Variants in HCK observed in about 807,000 individuals in gnomAD.
HCK encodes tyrosine-protein kinase HCK.
In HCK, 40 loss-of-function variants were observed where a neutral mutation model predicts 70.4. The observed-to-expected ratio is 0.57, with a 90% CI of 0.44 to 0.74. The LOEUF (loss-of-function observed/expected upper bound fraction) is 0.74, where lower values mean the gene tolerates loss of function less well. Ranked by LOEUF, HCK falls within the 30% of genes least tolerant of loss-of-function variation. The probability of loss-of-function intolerance (pLI) is 0.00; values close to 1 mark genes in which losing one functional copy is unlikely to be tolerated. For missense variants in HCK, 568 were observed against 697.2 expected, an observed-to-expected ratio of 0.81 and a Z score of 2.09; for synonymous variants, 245 against 263.2, an observed-to-expected ratio of 0.93 and a Z score of 0.67.
At chr20:32,056,087 G>A (rs767710388) in intron 1 of HCK, among the ~76,000 whole-genome samples, 16 of 152,178 alleles carry the variant, frequency 1.1e-4, no homozygotes, top group Admixed American at 2.6e-4. Context: ...GGAAATTCAG[G>A]TTGTTTCCAC....
rs976335520 is a variant in HCK, at chr20:32,052,462, C to A, written c.38C>A (p.Pro13Gln). ...TCAAGCTGCGAGGATCCGGGCTGCCCGCGAGACGAGGAGCGGGCGCCCAGG... is the reference window on the plus strand; with the variant it reads ...TCAAGCTGCGAGGATCCGGGCTGCCAGCGAGACGAGGAGCGGGCGCCCAGG... Residue 13 changes from proline (P) to glutamine (Q), a missense_variant, in exon 1 of 13, where the codon CCG becomes CAG. Physicochemically the swap from Pro to Gln is moderately conservative, Grantham distance 76. Around this residue, in one of 4 missense-constraint regions of HCK, gnomAD observed 318 missense variants for 336.0 expected, o/e 0.95. Transcript: ENST00000375852. 10 of 1,266,102 alleles carry A rather than the reference C, an allele frequency of 7.9e-6. No individual in the cohort carries two copies. In the African/African-American group the frequency reaches 1.1e-4, roughly 14 times the overall value. 78.4% of individuals were successfully genotyped at this position (1,266,102 alleles called of 1,614,324 possible). A position where few individuals can be genotyped will look rare whatever the true frequency, so the allele number is the denominator to read the frequency against.
intron 10 of HCK, among the ~76,000 whole-genome samples, chr20:32,089,387 G>A (rs1044871735): frequency 2.0e-4 from 30 of 152,358 alleles, no homozygotes; most frequent in African/African-American, 7.0e-4. Context: ...GAGCCCCAGT[G>A]TGGTTAAGTG....
chr20:32,096,567 T>G (rs2045959425), intron 11 of HCK, among the ~76,000 whole-genome samples: 1 of 149,098 alleles, frequency 6.7e-6, no homozygotes, highest in Admixed American at 6.7e-5. Flanking sequence ...AGGGGTGAGA[T>G]CATAGCTCAC....
In HCK at chr20:32,054,242, C is replaced by T; in HGVS notation, c.62+1756C>T. The T allele has an allele frequency of 6.6e-6, 3 of 456,394 alleles. 1 individual carries two copies. The highest frequency in any genetic ancestry group is 3.1e-5 in the South Asian group (2 of 64,556). The allele number at this position is 456,394 out of a possible 1,614,324, so 28.3% of individuals were successfully genotyped here. On this transcript the variant is annotated intron_variant, in intron 1 of 12. Coordinates refer to ENST00000375852, the MANE Select transcript of HCK (RefSeq NM_002110.5). ...GGCAACCGCTGTCATGAGTTACAGT[C>T]CTTCCAGGATGTGCCTCTGAAAATG...
At chr20:32,099,452 G>A (rs2046003820) in intron 12 of HCK, among the ~76,000 whole-genome samples, 1 of 147,508 alleles carries the variant, frequency 6.8e-6, no homozygotes, top group Non-Finnish European at 1.5e-5. Flanking sequence ...CCGCCTCCCA[G>A]GTTCAAGCGA....
At chr20:32,060,327 T>A (rs2045349716) in intron 1 of HCK, among the ~76,000 whole-genome samples, 1 of 152,130 alleles carries the variant, frequency 6.6e-6, no homozygotes, top group South Asian at 2.1e-4. Context: ...TTCAAGCAAT[T>A]CTCCTGCCTT....
In HCK at chr20:32,073,357, G is replaced by T. The variant is rs756780282; in HGVS notation, c.222G>T (p.Arg74Ser). The change falls in exon 3 of 13, where the codon AGG becomes AGT. Residue 74 changes from arginine (R) to serine (S), a missense_variant. Physicochemically the swap from Arg to Ser is moderately radical, Grantham distance 110. Coordinates refer to ENST00000375852, the MANE Select transcript of HCK (RefSeq NM_002110.5). ...ACAACAGCAACACACCAGGAATCAGGGAGGGTAAGTATCTACGAGCAGATG... is the reference window on the plus strand; with the variant it reads ...ACAACAGCAACACACCAGGAATCAGTGAGGGTAAGTATCTACGAGCAGATG... The T allele has an allele frequency of 1.9e-6, 3 of 1,611,898 alleles. No homozygotes were observed. Among genetic ancestry groups the T allele is most frequent in the Middle Eastern group, 1.7e-4 (1 of 6,052 alleles).
At chr20:32,087,114 G>A (rs1034241534) in intron 9 of HCK, among the ~76,000 whole-genome samples, 45 of 152,214 alleles carry the variant, frequency 3.0e-4, no homozygotes, top group Non-Finnish European at 4.6e-4. Flanking sequence ...TTAGAGGCCA[G>A]GGTGTGGCAT....
chr20:32,055,817 T>G (rs986730630), intron 1 of HCK, among the ~76,000 whole-genome samples: 1 of 152,200 alleles, frequency 6.6e-6, no homozygotes, highest in African/African-American at 2.4e-5. Flanking sequence ...TTTGTACCCA[T>G]TAAGCAATTA....
chr20:32,071,944 G>T (rs1266310655), intron 2 of HCK, 162 bp downstream of exon 2: 3 of 837,470 alleles, frequency 3.6e-6, no homozygotes, highest in East Asian at 5.6e-5. Flanking sequence ...GGGACGCAGC[G>T]CCAGCCAGCA....
chr20:32,053,748 C>A (rs954910783), intron 1 of HCK, among the ~76,000 whole-genome samples: 4 of 152,038 alleles, frequency 2.6e-5, no homozygotes, highest in Non-Finnish European at 5.9e-5. Flanking sequence ...CATATGGCCC[C>A]GTGTTCTCAG....
intron 9 of HCK, among the ~76,000 whole-genome samples, chr20:32,087,971 C>T (rs577403051): frequency 2.6e-5 from 4 of 152,226 alleles, no homozygotes; most frequent in African/African-American, 9.6e-5. Context: ...GACAAGGTCT[C>T]GCCATCTTGC....
intron 2 of HCK, 144 bp downstream of exon 2, chr20:32,071,926 G>C: frequency 1.1e-6 from 1 of 946,618 alleles, no homozygotes; most frequent in East Asian, 2.7e-5. Context: ...GTCCTGACTC[G>C]ACTCTCCGGG....
chr20:32,059,523 T>A (rs2045335219), intron 1 of HCK, among the ~76,000 whole-genome samples: 1 of 149,864 alleles, frequency 6.7e-6, no homozygotes, highest in Non-Finnish European at 1.5e-5. Flanking sequence ...TTTTTTTTTC[T>A]TTTTCTTTTT....
intron 1 of HCK, among the ~76,000 whole-genome samples, chr20:32,056,985 CGAA>C (rs2045281992): frequency 6.6e-6 from 1 of 152,172 alleles, no homozygotes; most frequent in African/African-American, 2.4e-5. Context: ...CTGCCCTCCC[CGAA>C]CACCCCTCCA....
At chr20:32,053,292 G>A (rs2122431205) in intron 1 of HCK, among the ~76,000 whole-genome samples, 1 of 152,154 alleles carries the variant, frequency 6.6e-6, no homozygotes, top group East Asian at 1.9e-4. Flanking sequence ...CACAACTGCA[G>A]GATGGGGAGA....
At chr20:32,093,508 T>TGTGTGG (rs1555877466) in intron 10 of HCK, among the ~76,000 whole-genome samples, 24 of 152,032 alleles carry the variant, frequency 1.6e-4, no homozygotes, top group Admixed American at 9.2e-4. Context: ...TGTGTGTGTG[T>TGTGTGG]GTGTGTGTGT....
intron 1 of HCK, among the ~76,000 whole-genome samples, chr20:32,054,634 G>A (rs1008796282): frequency 5.3e-5 from 8 of 150,658 alleles, no homozygotes; most frequent in African/African-American, 1.5e-4. Flanking sequence ...GGGAAACCCC[G>A]TCTCTACTAA....
At chr20:32,065,955 T>C (rs2045450150) in intron 1 of HCK, among the ~76,000 whole-genome samples, 1 of 152,204 alleles carries the variant, frequency 6.6e-6, no homozygotes, top group Non-Finnish European at 1.5e-5. Context: ...CCTGGGAACC[T>C]TGTTAAAATG....
Sources: allele counts gnomAD v4.1 joint callset (sites outside exome capture counted in the v4.1 genomes callset), GRCh38; gene constraint gnomAD v4.1.1; regional missense constraint gnomAD v4.1.1; transcripts MANE v1.5; gene names NCBI Gene and HGNC (gene_info 2026-07-23, HGNC 2026-07-21).